Variants in IKZF1 observed in about 807,000 individuals in gnomAD.
The protein encoded by IKZF1 is IKAROS family zinc finger 1.
IKZF1 carries 10 observed loss-of-function variants against 51.7 expected under a neutral mutation model. That is an observed-to-expected ratio of 0.19 (90% CI 0.12 to 0.33). The LOEUF is 0.33. Among genes scored for constraint, IKZF1 ranks in the 10% least tolerant of loss-of-function variants. The pLI is 1.00. For missense variants in IKZF1, 484 were observed against 707.5 expected (o/e 0.68, Z 3.58); for synonymous variants, 280 against 282.3 (o/e 0.99, Z 0.08).
intron 6 of IKZF1, among the ~76,000 whole-genome samples, chr7:50,391,312 T>C (rs1236476681): frequency 6.6e-6 from 1 of 152,216 alleles, no homozygotes; most frequent in Non-Finnish European, 1.5e-5. Flanking sequence ...TGCTGGTCCA[T>C]GAAGTCAGAT....
At chr7:50,364,064 A>G (rs1584794748) in intron 3 of IKZF1, among the ~76,000 whole-genome samples, 1 of 152,232 alleles carries the variant, frequency 6.6e-6, no homozygotes, top group Non-Finnish European at 1.5e-5. Flanking sequence ...AATTTCTCCT[A>G]AATACAAATC....
At chr7:50,342,765 A>G (rs1463751277) in intron 3 of IKZF1, among the ~76,000 whole-genome samples, 1 of 151,970 alleles carries the variant, frequency 6.6e-6, no homozygotes, top group Non-Finnish European at 1.5e-5. Flanking sequence ...CCACCCTGGC[A>G]TGTGAATCTG....
chr7:50,368,458 T>G, intron 3 of IKZF1: 1 of 608,712 alleles, frequency 1.6e-6, no homozygotes, highest in East Asian at 2.7e-5. Context: ...TTTTTACAAT[T>G]TTGTGGGACA....
chr7:50,389,320 A>G (rs1270380867), intron 6 of IKZF1, among the ~76,000 whole-genome samples: 1 of 152,250 alleles, frequency 6.6e-6, no homozygotes, highest in East Asian at 1.9e-4. Context: ...ACATACTGAC[A>G]CCATCAAGCT....
chr7:50,309,521 TA>T (rs535040116), intron 1 of IKZF1, among the ~76,000 whole-genome samples: 124 of 152,274 alleles, frequency 8.1e-4, no homozygotes, highest in Admixed American at 2.6e-3. Flanking sequence ...GCCAAAACAC[TA>T]AGAACTGTGT....
chr7:50,401,853 C>G lies in IKZF1; in HGVS notation c.*1226C>G, dbSNP rs11552047. ...CACACAGAGCTCACCTGTTTGAAACCAAGCTTTCAAACATGTTGAAGCTCT... is the reference window on the plus strand; with the variant it reads ...CACACAGAGCTCACCTGTTTGAAACGAAGCTTTCAAACATGTTGAAGCTCT... On this transcript the variant is annotated 3_prime_UTR_variant, in exon 8 of 8. Coordinates refer to ENST00000331340, the MANE Select transcript of IKZF1 (RefSeq NM_006060.6). 1 of 224,622 alleles carries G rather than the reference C, an allele frequency of 4.5e-6. No individual in the cohort carries two copies. Among genetic ancestry groups the G allele is most frequent in the South Asian group, 1.8e-4 (1 of 5,474 alleles). The allele number at this position is 224,622 out of a possible 1,614,324, so 13.9% of individuals were successfully genotyped here.
chr7:50,392,693 C>T (rs748493051), intron 7 of IKZF1, among the ~76,000 whole-genome samples: 18 of 152,194 alleles, frequency 1.2e-4, no homozygotes, highest in African/African-American at 1.7e-4. Context: ...TAGAATCCCT[C>T]GGTGTGAAGG....
At chr7:50,368,568 C>T (rs1025382361) in intron 3 of IKZF1, 12 of 539,092 alleles carry the variant, frequency 2.2e-5, no homozygotes, top group African/African-American at 5.7e-5. Flanking sequence ...TGTGGTGCAT[C>T]GCTGCTGGAG....
chr7:50,352,994 G>A (rs1237826789), intron 3 of IKZF1, among the ~76,000 whole-genome samples: 1 of 152,050 alleles, frequency 6.6e-6, no homozygotes, highest in African/African-American at 2.4e-5. Context: ...ATGAAATATT[G>A]CTCATAAGCC....
At chr7:50,356,145 C>G (rs1803307115) in intron 3 of IKZF1, among the ~76,000 whole-genome samples, 1 of 152,218 alleles carries the variant, frequency 6.6e-6, no homozygotes, top group Admixed American at 6.5e-5. Context: ...TTTATGTTTT[C>G]TTTTCCATTA....
chr7:50,399,826 C>T, intron 7 of IKZF1, 92 bp from the exon 8 acceptor site: 2 of 1,500,628 alleles, frequency 1.3e-6, no homozygotes, highest in East Asian at 2.5e-5. Context: ...GTTCCCCTTC[C>T]CCTCCCCGGT....
intron 7 of IKZF1, among the ~76,000 whole-genome samples, chr7:50,397,456 C>T (rs902706574): frequency 6.6e-6 from 1 of 152,114 alleles, no homozygotes; most frequent in African/African-American, 2.4e-5. Context: ...AGTTTGAAAA[C>T]AACAGATTTC....
intron 5 of IKZF1, among the ~76,000 whole-genome samples, chr7:50,385,239 T>C (rs1813018963): frequency 6.6e-6 from 1 of 152,208 alleles, no homozygotes; most frequent in African/African-American, 2.4e-5. Context: ...AAAACAGTGA[T>C]GATTTCTTCA....
rs1818775569 is a variant in IKZF1, at chr7:50,405,008, G to A, written c.*4381G>A. The A allele has an allele frequency of 9.9e-6, 2 of 201,616 alleles. No homozygotes were observed. The highest frequency in any genetic ancestry group is 2.0e-5 in the Non-Finnish European group (2 of 97,942). 12.5% of individuals were successfully genotyped at this position (201,616 alleles called of 1,614,324 possible). ...AATTAAAAATCAGGACTGGGGACTGGGAGACCAAAAATTTCTGATCCCATT... is the reference window on the plus strand; with the variant it reads ...AATTAAAAATCAGGACTGGGGACTGAGAGACCAAAAATTTCTGATCCCATT... On this transcript the variant is annotated 3_prime_UTR_variant, in exon 8 of 8. Coordinates refer to ENST00000331340, the MANE Select transcript of IKZF1 (RefSeq NM_006060.6).
intron 4 of IKZF1, chr7:50,377,093 C>T (rs1810494515): frequency 2.6e-6 from 1 of 383,382 alleles, no homozygotes; most frequent in African/African-American, 2.1e-5. Context: ...ACTAAGTAGT[C>T]TCAGCTGAGC....
intron 2 of IKZF1, among the ~76,000 whole-genome samples, chr7:50,325,645 G>T (rs1794774530): frequency 1.3e-5 from 2 of 152,112 alleles, no homozygotes; most frequent in Admixed American, 1.3e-4. Flanking sequence ...CATGGTGGGG[G>T]ATACCTGTGG....
intron 1 of IKZF1, among the ~76,000 whole-genome samples, chr7:50,311,986 T>A (rs1032956119): frequency 6.6e-6 from 1 of 152,198 alleles, no homozygotes; most frequent in Non-Finnish European, 1.5e-5. Flanking sequence ...ACCTGGGGCA[T>A]GTCTGTGTGG....
At chr7:50,352,110 G>C (rs1395570102) in intron 3 of IKZF1, among the ~76,000 whole-genome samples, 3 of 152,216 alleles carry the variant, frequency 2.0e-5, no homozygotes, top group Non-Finnish European at 4.4e-5. Context: ...GACTTCTACA[G>C]TTTCCACAAC....
chr7:50,361,877 A>T (rs1805359211), intron 3 of IKZF1, among the ~76,000 whole-genome samples: 1 of 152,174 alleles, frequency 6.6e-6, no homozygotes, highest in South Asian at 2.1e-4. Flanking sequence ...TCCATCTCAA[A>T]AAAGAAAAAA....
Sources: allele counts gnomAD v4.1 joint callset (sites outside exome capture counted in the v4.1 genomes callset), GRCh38; gene constraint gnomAD v4.1.1; transcripts MANE v1.5; gene names NCBI Gene and HGNC (gene_info 2026-07-23, HGNC 2026-07-21).